The following NAPG variants were observed in gnomAD, a reference collection of about 807,000 sequenced individuals.
The protein encoded by NAPG is gamma-soluble NSF attachment protein.
In NAPG, 25 loss-of-function variants were observed where a neutral mutation model predicts 48.4. The observed-to-expected ratio is 0.52, with a 90% confidence interval of 0.38 to 0.72. NAPG has a LOEUF of 0.72. Ranked by LOEUF, NAPG falls within the 30% of genes least tolerant of loss-of-function variation. The probability of loss-of-function intolerance (pLI) is 0.00; values close to 1 mark genes in which losing one functional copy is unlikely to be tolerated. For synonymous variants in NAPG, 139 were observed against 127.2 expected (o/e 1.09, Z -0.62); for missense variants, 359 against 372.5 (o/e 0.96, Z 0.30).
Position 10,532,785 on chromosome 18 carries a change from A to T in NAPG, c.199A>T (p.Asn67Tyr). Residue 67 changes from asparagine (N) to tyrosine (Y), a missense_variant, in exon 3 of 12, where the codon AAT (asparagine) becomes TAT (tyrosine). Physicochemically the swap from Asn to Tyr is moderately radical, Grantham distance 143 (BLOSUM62 -2). Coordinates refer to ENST00000322897, the MANE Select transcript of NAPG (RefSeq NM_003826.3). ...ACLREAVAHE[N>Y]NRALFHAAKA... is the part of the protein sequence containing the mutation. ...CCTGAGGGAAGCTGTTGCCCATGAA[A>T]ATAATAGGGCGTATCTTTTTCAACT... The T allele has an allele frequency of 6.3e-7, 1 of 1,578,950 alleles. No homozygotes were observed. Among genetic ancestry groups the T allele is most frequent in the African/African-American group, 1.3e-5 (1 of 74,178 alleles).
At chr18:10,547,850 C>T (rs530118009) in intron 9 of NAPG, among the ~76,000 whole-genome samples, 1 of 152,306 alleles carries the variant, frequency 6.6e-6, no homozygotes, top group African/African-American at 2.4e-5. Context: ...GAAGTTTTCA[C>T]TCATACATCT....
chr18:10,540,370 A>G lies in NAPG; in HGVS notation c.477A>G (p.Lys159=), dbSNP rs1386015772. The G allele has an allele frequency of 6.2e-7, 1 of 1,613,668 alleles. No homozygotes were observed. The part of the protein sequence containing the change: ...RLRQAVELLG[K]ASRLLVRGRR... Reference sequence around the variant, plus strand: ...GACAGGCAGTTGAATTACTAGGAAAAGCCTCCAGACTACTAGTACGAGGAC... The same window carrying G: ...GACAGGCAGTTGAATTACTAGGAAAGGCCTCCAGACTACTAGTACGAGGAC... Residue 159 remains lysine, a synonymous_variant, in exon 8 of 12, where the codon AAA becomes AAG. Coordinates refer to ENST00000322897, the MANE Select transcript of NAPG (RefSeq NM_003826.3).
At chr18:10,538,519 A>G (rs1253042037) in intron 5 of NAPG, among the ~76,000 whole-genome samples, 2 of 152,254 alleles carry the variant, frequency 1.3e-5, no homozygotes, top group South Asian at 4.1e-4. Flanking sequence ...GATCCTTGGC[A>G]TAGGTCTTGT....
chr18:10,535,524 G>A (rs1393350894), intron 5 of NAPG, among the ~76,000 whole-genome samples: 1 of 152,230 alleles, frequency 6.6e-6, no homozygotes, highest in Non-Finnish European at 1.5e-5. Context: ...ACTTTGGGAG[G>A]CCAACGTGGG....
At chr18:10,541,556 G>C (rs1258663042) in intron 8 of NAPG, among the ~76,000 whole-genome samples, 1 of 152,152 alleles carries the variant, frequency 6.6e-6, no homozygotes, top group Non-Finnish European at 1.5e-5. Context: ...TGATACCAAG[G>C]TTCTGACTTG....
Position 10,535,685 on chromosome 18 carries a change from C to T in NAPG, c.258+1189C>T, listed in dbSNP as rs190072985. ...CTGAGGCAGGAGAATTGCTTGAACC[C>T]AGGAGGCAGAGTTTGCAGTGAGCCG... is the stretch of plus-strand genomic sequence containing the variant. On this transcript the variant is annotated intron_variant, in intron 5 of 11. Coordinates refer to ENST00000322897, the MANE Select transcript of NAPG (RefSeq NM_003826.3). Among the ~76,000 whole-genome samples the T allele has an allele frequency of 3.1e-3, 465 of 152,280 alleles. 2 individuals are homozygous for T. Among genetic ancestry groups the T allele is most frequent in the African/African-American group, 1.0e-2 (415 of 41,566 alleles).
chr18:10,530,929 T>A, intron 2 of NAPG, 92 bp downstream of exon 2: 1 of 1,034,470 alleles, frequency 9.7e-7, no homozygotes, highest in Non-Finnish European at 1.3e-6. Context: ...ATATGCTTTC[T>A]ATAAGGCTTT....
chr18:10,540,100 G>A, intron 7 of NAPG, 46 bp downstream of exon 7: 1 of 1,431,612 alleles, frequency 7.0e-7, no homozygotes, highest in African/African-American at 1.4e-5. Flanking sequence ...AGAATGTTTA[G>A]ATTAATAATA....
At chr18:10,538,301 G>C (rs918236187) in intron 5 of NAPG, among the ~76,000 whole-genome samples, 3 of 152,160 alleles carry the variant, frequency 2.0e-5, no homozygotes, top group Non-Finnish European at 2.9e-5. Flanking sequence ...GAAGCGCCAG[G>C]AGGTGCATGC....
At chr18:10,533,475 C>G (rs907272253) in intron 3 of NAPG, 61 bp from the exon 4 acceptor site, 2 of 1,431,928 alleles carry the variant, frequency 1.4e-6, no homozygotes, top group Non-Finnish European at 1.9e-6. Context: ...AATAGTTGAT[C>G]TATAGAAACT....
At chr18:10,526,363 C>A (rs2031810086) in intron 1 of NAPG, 1 of 557,494 alleles carries the variant, frequency 1.8e-6, no homozygotes, top group Non-Finnish European at 3.2e-6. Context: ...CGGGAAGCGC[C>A]GTGGGTCCAC....
chr18:10,550,286 G>A lies in NAPG; in HGVS notation c.*66G>A. 1.3e-6 allele frequency: 2 copies of A among 1,504,840 alleles called. No individual in the cohort carries two copies. Among genetic ancestry groups the A allele is most frequent in the Non-Finnish European group, 1.8e-6 (2 of 1,124,898 alleles). The allele number at this position is 1,504,840 out of a possible 1,614,324, so 93.2% of individuals were successfully genotyped here. A position where few individuals can be genotyped will look rare whatever the true frequency, so the allele number is the denominator to read the frequency against. ...TCCTGACATGCCATTTCAAGGACTT[G>A]GGAATAGATTAGGGATATCCGTACT... On this transcript the variant is annotated 3_prime_UTR_variant, in exon 12 of 12. Transcript: ENST00000322897.
At position 10,539,558 on chromosome 18, in the gene NAPG, T is replaced by C. The variant is rs1038564647; in HGVS notation, c.259-204T>C. ...GGAGAGCACTAGGACAAATACCTAA[T>C]GCATGCGGGGCTTAAAACCTAGATG... On this transcript the variant is annotated intron_variant, in intron 5 of 11. Coordinates refer to ENST00000322897, the MANE Select transcript of NAPG (RefSeq NM_003826.3). The surrounding 1 kb of genome is among the most constrained non-coding windows in gnomAD (Gnocchi z 4.7). 104 of 531,314 alleles carry C rather than the reference T, an allele frequency of 2.0e-4. 1 individual carries two copies. Among genetic ancestry groups the C allele is most frequent in the African/African-American group, 1.7e-3 (87 of 52,486 alleles). The allele number at this position is 531,314 out of a possible 1,614,324, so 32.9% of individuals were successfully genotyped here.
chr18:10,526,238 G>GGCCTTCCCC, intron 1 of NAPG, 80 bp downstream of exon 1: 1 of 858,068 alleles, frequency 1.2e-6, no homozygotes, highest in East Asian at 3.3e-5. Flanking sequence ...CCCGGGGGGG[G>GGCCTTCCCC]CGGGAGGGAG....
Position 10,550,242 on chromosome 18 carries a change from A to G in NAPG, c.*22A>G, listed in dbSNP as rs2032360289. 6.4e-7 allele frequency: 1 copy of G among 1,561,970 alleles called. No homozygotes were observed. Among genetic ancestry groups the G allele is most frequent in the African/African-American group, 1.4e-5 (1 of 71,480 alleles). ...CTAGTATTTTGCTTGCTGAAAAGAA[A>G]AGGGAAACAAAGGTAAAATCCTGAC... On this transcript the variant is annotated 3_prime_UTR_variant, in exon 12 of 12. Transcript: ENST00000322897.
In NAPG at chr18:10,544,310, C is replaced by T. The variant is rs1488713971; in HGVS notation, c.507-2016C>T. Among the ~76,000 whole-genome samples, 1 of 152,194 alleles carries T rather than the reference C, an allele frequency of 6.6e-6. No homozygotes were observed. The highest frequency in any genetic ancestry group is 2.4e-5 in the African/African-American group (1 of 41,454). On this transcript the variant is annotated intron_variant, in intron 8 of 11. Transcript: ENST00000322897. The surrounding 1 kb of genome is among the most constrained non-coding windows in gnomAD (Gnocchi z 5.1). ...AAGTCTGGATACAGTGTAGCTAGGTCCTAGTGTAGCTAGGTAGCAGAGCTA... is the reference window on the plus strand; with the variant it reads ...AAGTCTGGATACAGTGTAGCTAGGTTCTAGTGTAGCTAGGTAGCAGAGCTA...
intron 8 of NAPG, among the ~76,000 whole-genome samples, chr18:10,545,172 C>T (rs904483044): frequency 2.0e-5 from 3 of 151,862 alleles, no homozygotes; most frequent in Non-Finnish European, 4.4e-5. Context: ...ATTAGCTGGG[C>T]GTGGTGGTGG....
In NAPG at chr18:10,546,474, TAAG is replaced by T; in HGVS notation, c.585+73_585+75del. The T allele has an allele frequency of 1.2e-6, 1 of 836,284 alleles. No homozygotes were observed. The highest frequency in any genetic ancestry group is 1.7e-5 in the South Asian group (1 of 57,616). 51.8% of individuals were successfully genotyped at this position (836,284 alleles called of 1,614,324 possible). A position where few individuals can be genotyped will look rare whatever the true frequency, so the allele number is the denominator to read the frequency against. On this transcript the variant is annotated intron_variant, in intron 9 of 11. Coordinates refer to ENST00000322897, the MANE Select transcript of NAPG (RefSeq NM_003826.3). This position sits in a 1 kb window ranked among gnomAD's most constrained non-coding sequence, Gnocchi z 4.0. ...TTTTATACTGGTATGAATAAGTACTTAAGAAAGGATTCTATGGGTATTTCTATG... is the reference window on the plus strand; with the variant it reads ...TTTTATACTGGTATGAATAAGTACTTAAAGGATTCTATGGGTATTTCTATG...
At chr18:10,538,832 TG>T (rs935158075) in intron 5 of NAPG, among the ~76,000 whole-genome samples, 3 of 150,368 alleles carry the variant, frequency 2.0e-5, no homozygotes, top group African/African-American at 7.5e-5. Flanking sequence ...ACTTTTTGAT[TG>T]GGTTTTTTTT....
Sources: allele counts gnomAD v4.1 joint callset (sites outside exome capture counted in the v4.1 genomes callset), GRCh38; gene constraint gnomAD v4.1.1; non-coding constraint Gnocchi (gnomAD v3.1); transcripts MANE v1.5; gene names NCBI Gene and HGNC (gene_info 2026-07-23, HGNC 2026-07-21).